Variants in PLAC9 observed in about 807,000 individuals in gnomAD.
The protein encoded by PLAC9 is placenta-specific protein 9.
Under a neutral mutation model 11.5 loss-of-function variants are expected in PLAC9, and 12 were observed. The observed-to-expected ratio is 1.05, with a 90% CI of 0.67 to 1.69. The LOEUF (loss-of-function observed/expected upper bound fraction) is 1.69, where lower values mean the gene tolerates loss of function less well. Ranked by LOEUF, PLAC9 falls within the 40% of genes most tolerant of loss-of-function variation. The pLI is 0.00. For missense variants in PLAC9, 132 were observed against 130.5 expected, an observed-to-expected ratio of 1.01 and a Z score of -0.06; for synonymous variants, 62 against 58.1, an observed-to-expected ratio of 1.07 and a Z score of -0.31.
intron 1 of PLAC9, among the ~76,000 whole-genome samples, chr10:80,134,237 A>G (rs555429578): frequency 2.0e-5 from 3 of 148,864 alleles, no homozygotes; most frequent in South Asian, 2.2e-4. Flanking sequence ...AAATCCAGGC[A>G]TTGTATATTT....
intron 2 of PLAC9, among the ~76,000 whole-genome samples, chr10:80,143,113 A>G (rs1452454357): frequency 6.6e-6 from 1 of 151,808 alleles, no homozygotes; most frequent in African/African-American, 2.4e-5. Flanking sequence ...ATCTTGGCTC[A>G]CTGCAACCTC....
chr10:80,137,267 C>T (rs1181853710), intron 1 of PLAC9, among the ~76,000 whole-genome samples: 5 of 152,222 alleles, frequency 3.3e-5, no homozygotes, highest in Non-Finnish European at 7.3e-5. Flanking sequence ...GACCTCATCA[C>T]AGACACGTAG....
In PLAC9 at chr10:80,132,808, G is replaced by C. The variant is rs766831366; in HGVS notation, c.46G>C (p.Ala16Pro). ...GCTGACCGGACTGGCCCTGCTCCGC[G>C]CCGCGGGCTCTTTGGCCGGTGAGTG... ...CALTGLALLR[A>P]AGSLAAAEPF... is the part of the protein sequence containing the mutation. The change falls in exon 1 of 4, where the codon GCC (alanine) becomes CCC (proline). Residue 16 changes from alanine to proline, a missense_variant. Transcript: ENST00000372263. 5 of 1,497,180 alleles carry C rather than the reference G, an allele frequency of 3.3e-6. No homozygotes were observed. Among genetic ancestry groups the C allele is most frequent in the South Asian group, 1.3e-5 (1 of 79,906 alleles). The allele number at this position is 1,497,180 out of a possible 1,614,324, so 92.7% of individuals were successfully genotyped here. A position where few individuals can be genotyped will look rare whatever the true frequency, so the allele number is the denominator to read the frequency against.
At chr10:80,134,984 G>A (rs1214368833) in intron 1 of PLAC9, among the ~76,000 whole-genome samples, 3 of 150,466 alleles carry the variant, frequency 2.0e-5, no homozygotes, top group Non-Finnish European at 4.4e-5. Flanking sequence ...TCTCTAGCAC[G>A]TCCAACTTCC....
chr10:80,140,239 A>G (rs1460937973), intron 1 of PLAC9, among the ~76,000 whole-genome samples: 3 of 151,970 alleles, frequency 2.0e-5, no homozygotes, highest in Admixed American at 6.6e-5. Flanking sequence ...AATGACAACC[A>G]TAAATACTCC....
chr10:80,134,264 TC>T (rs1179393355), intron 1 of PLAC9, among the ~76,000 whole-genome samples: 83 of 140,434 alleles, frequency 5.9e-4, no homozygotes, highest in African/African-American at 2.1e-3. Context: ...TTTCTTTCTT[TC>T]TTTTTTTTTT....
chr10:80,134,015 T>G (rs72808039), intron 1 of PLAC9, among the ~76,000 whole-genome samples: 1 of 152,020 alleles, frequency 6.6e-6, no homozygotes, highest in Non-Finnish European at 1.5e-5. Flanking sequence ...ACTGATTTCA[T>G]ATATTTTTGT....
intron 1 of PLAC9, among the ~76,000 whole-genome samples, chr10:80,135,940 G>A (rs915730049): frequency 3.3e-5 from 5 of 152,150 alleles, no homozygotes; most frequent in African/African-American, 1.2e-4. Context: ...TGACAATTCA[G>A]AAGATACAGC....
At position 80,144,237 on chromosome 10, in the gene PLAC9, C is replaced by A. The variant is rs781614593; in HGVS notation, c.177C>A (p.Thr59=). 2 of 1,614,144 alleles carry A rather than the reference C, an allele frequency of 1.2e-6. No homozygotes were observed. The highest frequency in any genetic ancestry group is 1.7e-6 in the Non-Finnish European group (2 of 1,180,020). The stretch of plus-strand genomic sequence containing the variant: ...TCCCACTCTAGATGGTAGAGAAGAC[C>A]GTGGATCACCTGGGGACAGAGGTGA... ...LDVMEEMVEK[T]VDHLGTEVKG... Residue 59 remains threonine, a synonymous_variant, in exon 3 of 4, where the codon ACC becomes ACA. Transcript: ENST00000372263.
intron 1 of PLAC9, among the ~76,000 whole-genome samples, chr10:80,140,331 C>T (rs931054985): frequency 6.6e-6 from 1 of 152,198 alleles, no homozygotes; most frequent in African/African-American, 2.4e-5. Context: ...CACCCCCAAC[C>T]TCACCTTCCC....
rs373135599 is a variant in PLAC9 at position 80,142,031 on chromosome 10, G to C, written c.65-51G>C. On this transcript the variant is annotated intron_variant, in intron 1 of 3. Coordinates refer to ENST00000372263, the MANE Select transcript of PLAC9 (RefSeq NM_001012973.3). ...AGCCCAGTGTTTACAGGAGTCTCTG[G>C]CATTATGGAAAACTAAGGGTCCCAC... 145 of 1,498,560 alleles carry C rather than the reference G, an allele frequency of 9.7e-5. No individual in the cohort carries two copies. The African/African-American group carries it at 1.8e-3, about 18-fold the overall frequency. 92.8% of individuals were successfully genotyped at this position (1,498,560 alleles called of 1,614,324 possible).
At chr10:80,144,442 T>C (rs1439068404) in intron 3 of PLAC9, 99 bp downstream of exon 3, 2 of 1,406,542 alleles carry the variant, frequency 1.4e-6, no homozygotes, top group South Asian at 1.5e-5. Flanking sequence ...AGGTGTAGCC[T>C]GGCTGGCAGG....
At chr10:80,132,625 T>C (rs1483771583), upstream of PLAC9, 2 of 625,440 alleles carry the variant, frequency 3.2e-6, no homozygotes, top group Non-Finnish European at 5.0e-6. Flanking sequence ...AGGGGGCGGG[T>C]TCTCTCGAGC....
intron 1 of PLAC9, among the ~76,000 whole-genome samples, chr10:80,140,009 A>G (rs1322306904): frequency 2.0e-5 from 3 of 152,194 alleles, no homozygotes; most frequent in Admixed American, 2.0e-4. Context: ...AATAGAGGCC[A>G]TCAGGTGGGA....
At chr10:80,138,359 TA>T (rs915049544) in intron 1 of PLAC9, among the ~76,000 whole-genome samples, 2 of 152,048 alleles carry the variant, frequency 1.3e-5, no homozygotes, top group African/African-American at 4.8e-5. Flanking sequence ...ATACTTGCAT[TA>T]AAAAAATAAC....
chr10:80,135,321 CTTTTTTTTT>C (rs139336508), intron 1 of PLAC9, among the ~76,000 whole-genome samples: 2 of 67,312 alleles, frequency 3.0e-5, no homozygotes, highest in Non-Finnish European at 5.1e-5. Flanking sequence ...TGCGCCCGGC[CTTTTTTTTT>C]TTTTTTTTTT....
In PLAC9 at chr10:80,144,988, ACTTC is replaced by A; in HGVS notation, c.*86_*89del. On this transcript the variant is annotated 3_prime_UTR_variant, in exon 4 of 4. Transcript: ENST00000372263. ...CCACAGAACCAGCCCTGTCCTCTCG[ACTTC>A]CTTCCTTAGCTTCATGTGAAATAAA... 1 of 1,508,956 alleles carries A rather than the reference ACTTC, an allele frequency of 6.6e-7. No homozygotes were observed. Among genetic ancestry groups the A allele is most frequent in the African/African-American group, 1.4e-5 (1 of 72,398 alleles). The allele number at this position is 1,508,956 out of a possible 1,614,324, so 93.5% of individuals were successfully genotyped here.
intron 2 of PLAC9, 193 bp from the exon 3 acceptor site, chr10:80,144,030 C>T: frequency 1.4e-6 from 1 of 697,820 alleles, no homozygotes; most frequent in East Asian, 2.7e-5. Flanking sequence ...GAGCAAGCCC[C>T]CTAGGATATT....
intron 1 of PLAC9, among the ~76,000 whole-genome samples, chr10:80,138,859 A>G (rs7077086): frequency 0.14 from 21,857 of 151,634 alleles, 2,822 homozygotes; most frequent in African/African-American, 0.35. Flanking sequence ...AACTCCCCCT[A>G]TTGAGCTTTG....
Sources: gnomAD v4.1 joint callset for allele counts (sites outside exome capture counted in the v4.1 genomes callset) on GRCh38, gnomAD v4.1.1 for gene constraint, MANE v1.5 for transcripts, NCBI Gene and HGNC (gene_info 2026-07-23, HGNC 2026-07-21) for gene names.